The following MCHR2 variants were observed in gnomAD, a reference collection of about 807,000 sequenced individuals.
The protein encoded by MCHR2 is melanin-concentrating hormone receptor 2.
In MCHR2, 15 loss-of-function variants were observed where a neutral mutation model predicts 24.8. That is an observed-to-expected ratio of 0.60 (90% confidence interval 0.40 to 0.93). The LOEUF (loss-of-function observed/expected upper bound fraction) is 0.93. Among genes scored for constraint, MCHR2 ranks in the 40% least tolerant of loss-of-function variants. MCHR2 has a pLI of 0.00. For missense variants in MCHR2, 386 were observed against 408.7 expected, an observed-to-expected ratio of 0.94 and a Z score of 0.48; for synonymous variants, 151 against 147.6, an observed-to-expected ratio of 1.02 and a Z score of -0.17.
In MCHR2 at chr6:99,971,636, GCCAGTTTTCAAAGGGAATGCTT is replaced by G. The variant is rs574947581; in HGVS notation, c.-27-15484_-27-15463del. ...GTGAGAGAGGGCATCCCTGTCTTGT[GCCAGTTTTCAAAGGGAATGCTT>G]CCAGTTTTTGCCCATTCAACATGAT... On this transcript the variant is annotated intron_variant, in intron 1 of 5. Coordinates refer to ENST00000281806, the MANE Select transcript of MCHR2 (RefSeq NM_001040179.2). Among the ~76,000 whole-genome samples the G allele has an allele frequency of 2.7e-3, 415 of 152,224 alleles. 2 individuals carry two copies. Among genetic ancestry groups the G allele is most frequent in the African/African-American group, 9.6e-3 (398 of 41,526 alleles).
At chr6:99,973,039 A>G (rs942158848) in intron 1 of MCHR2, among the ~76,000 whole-genome samples, 95 of 152,028 alleles carry the variant, frequency 6.2e-4, no homozygotes, top group African/African-American at 2.0e-3. Context: ...TGTATATTCT[A>G]TTGATTTGGG....
intron 1 of MCHR2, among the ~76,000 whole-genome samples, chr6:99,970,242 G>A (rs1482241108): frequency 6.6e-6 from 1 of 151,930 alleles, no homozygotes; most frequent in Non-Finnish European, 1.5e-5. Context: ...ACTTTTTAAT[G>A]ATGGCCATTC....
At chr6:99,983,158 A>G (rs1775703845) in intron 1 of MCHR2, among the ~76,000 whole-genome samples, 1 of 151,606 alleles carries the variant, frequency 6.6e-6, no homozygotes, top group African/African-American at 2.4e-5. Flanking sequence ...TTTTGTAGAG[A>G]CAGGGTTTTA....
At chr6:99,969,151 A>G (rs1775345598) in intron 1 of MCHR2, among the ~76,000 whole-genome samples, 1 of 152,100 alleles carries the variant, frequency 6.6e-6, no homozygotes, top group Non-Finnish European at 1.5e-5. Context: ...CACATCAGAT[A>G]ATGTAATTTT....
chr6:99,987,064 T>C (rs1282662606), intron 1 of MCHR2, among the ~76,000 whole-genome samples: 4 of 151,600 alleles, frequency 2.6e-5, no homozygotes, highest in Non-Finnish European at 5.9e-5. Flanking sequence ...TTATACTCTA[T>C]TGTATTGTGT....
chr6:99,939,579 G>A (rs1212830930), intron 4 of MCHR2, among the ~76,000 whole-genome samples: 1 of 151,842 alleles, frequency 6.6e-6, no homozygotes, highest in Non-Finnish European at 1.5e-5. Context: ...TTGTCTTTTG[G>A]GCTTCATGCT....
chr6:99,970,439 T>G (rs1389278127), intron 1 of MCHR2, among the ~76,000 whole-genome samples: 1 of 152,184 alleles, frequency 6.6e-6, no homozygotes, highest in Non-Finnish European at 1.5e-5. Flanking sequence ...TGTTTTGAGT[T>G]CATTGTAGAT....
In MCHR2 at chr6:99,943,073, A is replaced by G. The variant is rs913010948; in HGVS notation, c.463T>C (p.Leu155=). 7 of 1,613,184 alleles carry G rather than the reference A, an allele frequency of 4.3e-6. No individual in the cohort carries two copies. The highest frequency in any genetic ancestry group is 2.7e-5 in the African/African-American group (2 of 74,856). The change falls in exon 4 of 6, where the codon TTG becomes CTG. Residue 155 remains leucine (L), a synonymous_variant. Transcript: ENST00000281806. The part of the protein sequence containing the change: ...RTRYKTIRIN[L]GLWAASFILA... ...ATAAAGGAAGCTGCCCAAAGGCCCA[A>G]ATTGATCCGGATGGTCTTGTACCTT...
intron 5 of MCHR2, among the ~76,000 whole-genome samples, chr6:99,930,408 C>T (rs1190676380): frequency 1.3e-5 from 2 of 152,210 alleles, no homozygotes; most frequent in Non-Finnish European, 2.9e-5. Flanking sequence ...TGGGGAAGTT[C>T]TCCTGGATAA....
chr6:99,972,539 G>A (rs1384565250), intron 1 of MCHR2, among the ~76,000 whole-genome samples: 1 of 152,016 alleles, frequency 6.6e-6, no homozygotes, highest in Admixed American at 6.6e-5. Flanking sequence ...TTTTTTGAAG[G>A]GTTTTTTGGG....
At chr6:99,922,131 G>T (rs1774249567) in intron 5 of MCHR2, among the ~76,000 whole-genome samples, 1 of 143,694 alleles carries the variant, frequency 7.0e-6, no homozygotes, top group Non-Finnish European at 1.5e-5. Flanking sequence ...TTTTGAGACG[G>T]AGTCTCGCTC....
chr6:99,983,546 T>C (rs1012190872), intron 1 of MCHR2, among the ~76,000 whole-genome samples: 26 of 152,240 alleles, frequency 1.7e-4, no homozygotes, highest in African/African-American at 6.0e-4. Context: ...ACTCAAGCTT[T>C]TGACTCACCA....
intron 1 of MCHR2, among the ~76,000 whole-genome samples, chr6:99,989,473 A>C (rs1775827980): frequency 6.6e-6 from 1 of 152,180 alleles, no homozygotes; most frequent in Admixed American, 6.5e-5. Flanking sequence ...TGAGGCTAAG[A>C]GGGTGAGGAT....
chr6:99,921,371 C>T (rs1019686294), intron 5 of MCHR2, 116 bp from the exon 6 acceptor site: 15 of 846,108 alleles, frequency 1.8e-5, no homozygotes, highest in Middle Eastern at 2.3e-4. Flanking sequence ...ATATGAAGCT[C>T]ATTATTATAT....
intron 1 of MCHR2, among the ~76,000 whole-genome samples, chr6:99,964,858 A>T (rs72938082): frequency 0.029 from 4,479 of 152,232 alleles, 201 homozygotes; most frequent in East Asian, 0.12. Context: ...ACATGGATGG[A>T]TCTAAAATCA....
At chr6:99,927,900 T>A (rs956219061) in intron 5 of MCHR2, among the ~76,000 whole-genome samples, 8 of 152,280 alleles carry the variant, frequency 5.3e-5, no homozygotes, top group Admixed American at 1.3e-4. Flanking sequence ...AGAGAGGGCA[T>A]CCCTGTCTTG....
intron 1 of MCHR2, among the ~76,000 whole-genome samples, chr6:99,971,565 C>G (rs1021334479): frequency 1.1e-4 from 16 of 152,126 alleles, no homozygotes; most frequent in African/African-American, 1.2e-4. Context: ...CTTCTCCTGC[C>G]TCATTGCCCT....
chr6:99,961,141 C>T (rs1255239037), intron 1 of MCHR2, among the ~76,000 whole-genome samples: 10 of 151,938 alleles, frequency 6.6e-5, no homozygotes, highest in Admixed American at 6.6e-4. Flanking sequence ...AAAACAACAA[C>T]CCCATCAAAA....
At chr6:99,980,882 C>T (rs74695705) in intron 1 of MCHR2, among the ~76,000 whole-genome samples, 1 of 152,142 alleles carries the variant, frequency 6.6e-6, no homozygotes, top group Non-Finnish European at 1.5e-5. Context: ...CATTCAGACA[C>T]CACAATCCCA....
Sources: gnomAD v4.1 joint callset for allele counts (sites outside exome capture counted in the v4.1 genomes callset) on GRCh38, gnomAD v4.1.1 for gene constraint, MANE v1.5 for transcripts, NCBI Gene and HGNC (gene_info 2026-07-23, HGNC 2026-07-21) for gene names.